ANK2: variants seen among roughly 807,000 people sequenced by gnomAD.
The protein encoded by ANK2 is ankyrin 2, also known as ankyrin-2.
Under a neutral mutation model 360.5 loss-of-function variants are expected in ANK2, and 83 were observed. The observed-to-expected ratio is 0.23, with a 90% CI of 0.19 to 0.28. The LOEUF is 0.28. Among genes scored for constraint, ANK2 ranks in the 10% least tolerant of loss-of-function variants. ANK2 has a pLI of 1.00. For missense variants in ANK2, 4,201 were observed against 4,795.7 expected (o/e 0.88, Z 3.66); for synonymous variants, 1,740 against 1,759.5 (o/e 0.99, Z 0.28).
intron 2 of ANK2, among the ~76,000 whole-genome samples, chr4:112,925,762 A>G (rs2092454435): frequency 6.6e-6 from 1 of 152,244 alleles, no homozygotes; most frequent in African/African-American, 2.4e-5. Context: ...GTTTAATTAA[A>G]GTTGTAGAGC....
chr4:113,242,720 C>T (rs2040665225), intron 9 of ANK2, among the ~76,000 whole-genome samples: 1 of 152,112 alleles, frequency 6.6e-6, no homozygotes, highest in Admixed American at 6.5e-5. Context: ...TATACTATAC[C>T]TTTATGTCAT....
rs1563056547 is a variant in ANK2 at position 113,233,104 on chromosome 4, C to CTTTTTTTTTTTTTTTTTTTTTT, written c.483+846_483+847insTTTTTTTTTTTTTTTTTTTTTT. 6.8e-5 allele frequency among the ~76,000 whole-genome samples: 2 copies of CTTTTTTTTTTTTTTTTTTTTTT among 29,296 alleles called. 1 individual carries two copies. The highest frequency in any genetic ancestry group is 1.3e-4 in the Non-Finnish European group (2 of 15,494). 19.2% of individuals were successfully genotyped at this position (29,296 alleles called of 152,430 possible). A position where few individuals can be genotyped will look rare whatever the true frequency, so the allele number is the denominator to read the frequency against. ...ACCAGAGTATATGGGCTTGGCTTTT[C>CTTTTTTTTTTTTTTTTTTTTTT]TGTTTTTTTTTTTTTTTTTTTTTTT... On this transcript the variant is annotated intron_variant, in intron 5 of 45. Transcript: ENST00000357077.
chr4:113,145,655 T>A, intron 1 of ANK2: 4 of 1,122,330 alleles, frequency 3.6e-6, no homozygotes, highest in Non-Finnish European at 4.4e-6. Flanking sequence ...GGTCACTGAA[T>A]GCAGCCTGCA....
intron 1 of ANK2, among the ~76,000 whole-genome samples, chr4:112,852,787 A>G (rs772837925): frequency 3.9e-5 from 6 of 152,226 alleles, no homozygotes; most frequent in Non-Finnish European, 8.8e-5. Context: ...CTGACAGGAA[A>G]AAAATGTTCT....
At chr4:113,025,714 T>C (rs2059142741) in intron 2 of ANK2, among the ~76,000 whole-genome samples, 1 of 152,128 alleles carries the variant, frequency 6.6e-6, no homozygotes, top group South Asian at 2.1e-4. Context: ...CTCTGTGAAA[T>C]TTATAAATTT....
chr4:112,857,728 T>C (rs1162675435), intron 1 of ANK2, among the ~76,000 whole-genome samples: 1 of 152,190 alleles, frequency 6.6e-6, no homozygotes, highest in African/African-American at 2.4e-5. Flanking sequence ...TTGGTTGGAC[T>C]TGAAGTATCA....
At chr4:112,705,869 G>C in the ANK2 span, among the ~76,000 whole-genome samples, 112 of 152,022 alleles carry the variant, frequency 7.4e-4, 1 homozygote, top group African/African-American at 2.6e-3. Flanking sequence ...GCAGCTGCTT[G>C]CCCAGCCCCG....
intron 31 of ANK2, among the ~76,000 whole-genome samples, chr4:113,337,710 C>T (rs776982006): frequency 4.6e-5 from 7 of 152,086 alleles, no homozygotes; most frequent in East Asian, 3.8e-4. Flanking sequence ...TAGAGAACCA[C>T]GAGATTATTC....
intron 1 of ANK2, among the ~76,000 whole-genome samples, chr4:112,868,855 A>G (rs1157641311): frequency 2.6e-5 from 4 of 152,194 alleles, no homozygotes; most frequent in African/African-American, 7.2e-5. Flanking sequence ...TTGTATTTTT[A>G]TTATAGAATT....
intron 7 of ANK2, 129 bp from the exon 8 acceptor site, chr4:113,240,356 C>A: frequency 1.4e-6 from 1 of 716,304 alleles, no homozygotes. Context: ...GATTTAAGAT[C>A]TTACTAAAGC....
chr4:112,866,463 C>T (rs753515745), intron 1 of ANK2, among the ~76,000 whole-genome samples: 4 of 152,142 alleles, frequency 2.6e-5, no homozygotes, highest in Admixed American at 1.3e-4. Context: ...CTTCAGGTAC[C>T]TTAAACATAG....
At chr4:112,753,426 A>G in the ANK2 span, among the ~76,000 whole-genome samples, 1 of 152,224 alleles carries the variant, frequency 6.6e-6, no homozygotes, top group Non-Finnish European at 1.5e-5. Context: ...AGCCTACTAC[A>G]CACCCAGGCT....
chr4:113,360,687 A>G, intron 38 of ANK2, 136 bp from the exon 39 acceptor site: 1 of 763,334 alleles, frequency 1.3e-6, no homozygotes, highest in Non-Finnish European at 2.3e-6. Flanking sequence ...GACACACAAT[A>G]TGATCTGAAA....
intron 1 of ANK2, chr4:113,146,004 G>A: frequency 7.8e-7 from 1 of 1,289,688 alleles, no homozygotes; most frequent in Non-Finnish European, 1.0e-6. Flanking sequence ...TGGAGTGTGG[G>A]TAAGTTTTAG....
rs753907196 is a variant in ANK2, at chr4:113,367,657, C to T, written c.11124C>T (p.His3708=). 2 of 1,613,906 alleles carry T rather than the reference C, an allele frequency of 1.2e-6. No homozygotes were observed. Among genetic ancestry groups the T allele is most frequent in the Non-Finnish European group, 1.7e-6 (2 of 1,179,988 alleles). The part of the protein sequence containing the change: ...AVSKESETCD[H]PPIVSEEDIS... ...CTAAAGAAAGTGAGACCTGCGATCA[C>T]CCTCCTATCGTCTCAGAGGAAGACA... The change falls in exon 42 of 46, where the codon CAC becomes CAT. Residue 3708 remains histidine, a synonymous_variant. Transcript: ENST00000357077.
chr4:113,208,140 G>C (rs1035950401), intron 4 of ANK2, among the ~76,000 whole-genome samples: 2 of 150,738 alleles, frequency 1.3e-5, no homozygotes, highest in African/African-American at 5.0e-5. Flanking sequence ...AGCTGGCTTG[G>C]GGGTGGAACA....
At chr4:112,822,401 G>A (rs547786300) in intron 1 of ANK2, among the ~76,000 whole-genome samples, 196 of 145,656 alleles carry the variant, frequency 1.3e-3, no homozygotes, top group Middle Eastern at 0.011. Context: ...CTGGGCGACA[G>A]AGCGAGATTC....
At chr4:112,771,142 C>T in the ANK2 span, among the ~76,000 whole-genome samples, 2 of 152,134 alleles carry the variant, frequency 1.3e-5, no homozygotes, top group African/African-American at 2.4e-5. Flanking sequence ...GATGGAGTTT[C>T]ACTCTTGTTG....
At chr4:112,910,216 G>A (rs1382729427) in intron 2 of ANK2, among the ~76,000 whole-genome samples, 8 of 152,154 alleles carry the variant, frequency 5.3e-5, no homozygotes, top group African/African-American at 1.9e-4. Context: ...CCTCCTCAGC[G>A]TGAATCTGGC....
Sources: gnomAD v4.1 joint callset for allele counts (sites outside exome capture counted in the v4.1 genomes callset) on GRCh38, gnomAD v4.1.1 for gene constraint, MANE v1.5 for transcripts, NCBI Gene and HGNC (gene_info 2026-07-23, HGNC 2026-07-21) for gene names.